The following PIK3R4 variants were observed in gnomAD, a reference collection of about 807,000 sequenced individuals.
PIK3R4 encodes the protein phosphoinositide 3-kinase regulatory subunit 4.
PIK3R4 carries 46 observed loss-of-function variants against 136.5 expected under a neutral mutation model. That is an observed-to-expected ratio of 0.34 (90% CI 0.27 to 0.43). PIK3R4 has a LOEUF of 0.43. Ranked by LOEUF, PIK3R4 falls within the 20% of genes least tolerant of loss-of-function variation. The pLI is 1.00. For synonymous variants in PIK3R4, 557 were observed against 566.7 expected (o/e 0.98, Z 0.24); for missense variants, 1,331 against 1,649.5 (o/e 0.81, Z 3.35).
intron 13 of PIK3R4, among the ~76,000 whole-genome samples, chr3:130,699,382 T>C (rs964187612): frequency 5.9e-5 from 9 of 152,168 alleles, no homozygotes; most frequent in Non-Finnish European, 1.2e-4. Context: ...GACAATTCTC[T>C]GGAGATGTGC....
rs2066630099 is a variant in PIK3R4, at chr3:130,711,058, A to T, written c.2332-2566T>A. ...AAGCTGGGAGATGTTTTTTTCTACC[A>T]AAGATCAAGCCTAAGTTATGGTAAC... On this transcript the variant is annotated intron_variant, in intron 9 of 19. Coordinates refer to ENST00000356763, the MANE Select transcript of PIK3R4 (RefSeq NM_014602.3). Among the ~76,000 whole-genome samples the T allele has an allele frequency of 1.3e-5, 2 of 151,876 alleles. 1 individual carries two copies. Among genetic ancestry groups the T allele is most frequent in the South Asian group, 4.1e-4 (2 of 4,822 alleles).
At chr3:130,735,494 G>A (rs1040880493) in intron 3 of PIK3R4, among the ~76,000 whole-genome samples, 1 of 152,094 alleles carries the variant, frequency 6.6e-6, no homozygotes, top group Non-Finnish European at 1.5e-5. Context: ...TTACATTCAA[G>A]TTGACATTTC....
At chr3:130,730,854 T>A (rs542463069) in intron 4 of PIK3R4, among the ~76,000 whole-genome samples, 12 of 152,286 alleles carry the variant, frequency 7.9e-5, no homozygotes, top group Non-Finnish European at 1.6e-4. Context: ...AGACCTGGGT[T>A]CAAATCTCAA....
At position 130,746,387 on chromosome 3, in the gene PIK3R4, A is replaced by C. The variant is rs946004484; in HGVS notation, c.-116T>G. 1 of 152,258 alleles carries C rather than the reference A, an allele frequency of 6.6e-6. No individual in the cohort carries two copies. The highest frequency in any genetic ancestry group is 6.5e-5 in the Admixed American group (1 of 15,278). 9.4% of individuals were successfully genotyped at this position (152,258 alleles called of 1,614,324 possible). A position where few individuals can be genotyped will look rare whatever the true frequency, so the allele number is the denominator to read the frequency against. On this transcript the variant is annotated 5_prime_UTR_variant, in exon 1 of 20. Transcript: ENST00000356763. ...GAGGTCATAGTAGACTACTTCGGGG[A>C]CGGGACGGGAAAACGCGTCAGCAGC... is the stretch of plus-strand genomic sequence containing the variant.
At chr3:130,679,716 C>CTT (rs553660768) in intron 19 of PIK3R4, among the ~76,000 whole-genome samples, 118 of 152,218 alleles carry the variant, frequency 7.8e-4, no homozygotes, top group African/African-American at 2.5e-3. Flanking sequence ...GAAAACTTAT[C>CTT]TTAGGTCAAT....
chr3:130,718,616 C>A, intron 7 of PIK3R4, 82 bp from the exon 8 acceptor site: 2 of 1,388,664 alleles, frequency 1.4e-6, no homozygotes, highest in Non-Finnish European at 2.0e-6. Flanking sequence ...TATAACGTAA[C>A]TGACAAAAGG....
intron 7 of PIK3R4, among the ~76,000 whole-genome samples, chr3:130,722,460 T>G (rs80141888): frequency 0.21 from 31,259 of 152,114 alleles, 3,472 homozygotes; most frequent in South Asian, 0.36. Flanking sequence ...TGATGATTTT[T>G]GCTTTAAAAT....
rs750553172 is a variant in PIK3R4 at position 130,718,459 on chromosome 3, A to G, written c.2057T>C (p.Ile686Thr). ...TTTACAGTAGACATCAGCTGTACTT[A>G]TTTGACGAGCTACCACTGTGATAAA... is the stretch of plus-strand genomic sequence containing the variant. The part of the protein sequence containing the change: ...VGFITVVARQ[I>T]STADVYCKLM... Residue 686 changes from isoleucine to threonine, a missense_variant, in exon 8 of 20, where the codon ATA becomes ACA. Ile to Thr is a moderately conservative substitution (Grantham distance 89). Coordinates refer to ENST00000356763, the MANE Select transcript of PIK3R4 (RefSeq NM_014602.3). 6.2e-7 allele frequency: 1 copy of G among 1,613,738 alleles called. No homozygotes were observed. The highest frequency in any genetic ancestry group is 1.1e-5 in the South Asian group (1 of 91,074).
intron 7 of PIK3R4, among the ~76,000 whole-genome samples, chr3:130,722,243 C>G (rs548410921): frequency 2.4e-4 from 36 of 152,206 alleles, no homozygotes; most frequent in African/African-American, 8.2e-4. Context: ...CCATAGTTTT[C>G]ATATCAAATT....
intron 10 of PIK3R4, 34 bp downstream of exon 10, chr3:130,708,257 A>C (rs1163165668): frequency 6.5e-7 from 1 of 1,532,414 alleles, no homozygotes; most frequent in Non-Finnish European, 9.0e-7. Context: ...AACTAACAAC[A>C]ACAAGCTACA....
chr3:130,711,210 A>C (rs1317638272), intron 9 of PIK3R4, among the ~76,000 whole-genome samples: 1 of 150,830 alleles, frequency 6.6e-6, no homozygotes, highest in Non-Finnish European at 1.5e-5. Flanking sequence ...AACTGTACAA[A>C]ACACACACAC....
intron 6 of PIK3R4, among the ~76,000 whole-genome samples, chr3:130,728,193 TG>T (rs1190463700): frequency 2.2e-4 from 34 of 152,208 alleles, no homozygotes; most frequent in African/African-American, 7.2e-4. Context: ...ACATACTTCA[TG>T]GTACTTTCCA....
At chr3:130,705,177 C>G (rs1025621213) in intron 12 of PIK3R4, among the ~76,000 whole-genome samples, 1 of 151,586 alleles carries the variant, frequency 6.6e-6, no homozygotes, top group Non-Finnish European at 1.5e-5. Context: ...AATTTTCTAA[C>G]TTTTTCTTAA....
In PIK3R4 at chr3:130,679,136, G is replaced by A; in HGVS notation, c.*179C>T. On this transcript the variant is annotated 3_prime_UTR_variant, in exon 20 of 20. Transcript: ENST00000356763. Reference sequence around the variant, plus strand: ...CTGATTCTTGCAAAGAGATGCATAAGTAAACTAGTCAAGTACATCTTAACC... The same window carrying A: ...CTGATTCTTGCAAAGAGATGCATAAATAAACTAGTCAAGTACATCTTAACC... 2.7e-6 allele frequency: 1 copy of A among 371,436 alleles called. No homozygotes were observed. The highest frequency in any genetic ancestry group is 4.4e-5 in the Admixed American group (1 of 22,748). 23.0% of individuals were successfully genotyped at this position (371,436 alleles called of 1,614,324 possible).
rs1473615310 is a variant in PIK3R4 at position 130,716,546 on chromosome 3, A to C, written c.2181T>G (p.Ser727=). Reference sequence around the variant, plus strand: ...TAGACCTCAAAGCATAATCAAATATAGAACGACTTACTGGTTCCTTTAAAA... The same window carrying C: ...TAGACCTCAAAGCATAATCAAATATCGAACGACTTACTGGTTCCTTTAAAA... ...LSVLKEPVSR[S]IFDYALRSKD... is the part of the protein sequence containing the mutation. The change falls in exon 9 of 20, where the codon TCT becomes TCG. Residue 727 remains serine (S), a synonymous_variant. Transcript: ENST00000356763. The C allele has an allele frequency of 3.1e-6, 5 of 1,613,916 alleles. No homozygotes were observed. The highest frequency in any genetic ancestry group is 3.4e-6 in the Non-Finnish European group (4 of 1,179,882).
chr3:130,737,367 GA>G (rs1346983296), intron 2 of PIK3R4, among the ~76,000 whole-genome samples: 3 of 152,004 alleles, frequency 2.0e-5, no homozygotes, highest in African/African-American at 7.2e-5. Context: ...ATAAATCAAC[GA>G]AAAGTTAAAA....
At chr3:130,739,290 A>T (rs1376852059) in intron 2 of PIK3R4, among the ~76,000 whole-genome samples, 1 of 151,912 alleles carries the variant, frequency 6.6e-6, no homozygotes, top group Admixed American at 6.6e-5. Flanking sequence ...GTTAGCCAAG[A>T]TGGTCTCGAT....
At chr3:130,682,394 C>T (rs1368218122) in intron 16 of PIK3R4, among the ~76,000 whole-genome samples, 5 of 152,162 alleles carry the variant, frequency 3.3e-5, no homozygotes, top group Non-Finnish European at 7.4e-5. Flanking sequence ...CCTAGTGCCT[C>T]CAGAGGGAAT....
intron 7 of PIK3R4, 39 bp from the exon 8 acceptor site, chr3:130,718,573 T>TGAAA: frequency 3.1e-6 from 5 of 1,607,128 alleles, no homozygotes; most frequent in Non-Finnish European, 4.3e-6. Flanking sequence ...AAATAAGTTA[T>TGAAA]TTCAAACTAT....
Sources: allele counts gnomAD v4.1 joint callset (sites outside exome capture counted in the v4.1 genomes callset), GRCh38; gene constraint gnomAD v4.1.1; transcripts MANE v1.5; gene names NCBI Gene and HGNC (gene_info 2026-07-23, HGNC 2026-07-21).